The following PDE10A variants were observed in gnomAD, a reference collection of about 807,000 sequenced individuals.
PDE10A encodes the protein cAMP and cAMP-inhibited cGMP 3',5'-cyclic phosphodiesterase 10A.
Under a neutral mutation model 97.7 loss-of-function variants are expected in PDE10A, and 39 were observed. The ratio of observed to expected loss-of-function variants is 0.40; its 90% CI spans 0.31 to 0.52. PDE10A has a LOEUF of 0.52. Among genes scored for constraint, PDE10A ranks in the 20% least tolerant of loss-of-function variants. PDE10A has a pLI of 0.56. For synonymous variants in PDE10A, 371 were observed against 376.8 expected, an observed-to-expected ratio of 0.98 and a Z score of 0.18; for missense variants, 731 against 1,047.8, an observed-to-expected ratio of 0.70 and a Z score of 4.17.
intron 18 of PDE10A, among the ~76,000 whole-genome samples, chr6:165,350,815 A>G (rs1782642011): frequency 6.6e-6 from 1 of 152,040 alleles, no homozygotes; most frequent in Admixed American, 6.6e-5. Context: ...TTCGCTGGGC[A>G]CTCATTCATC....
At chr6:165,641,904 T>C (rs1242411611) in intron 1 of PDE10A, among the ~76,000 whole-genome samples, 1 of 152,172 alleles carries the variant, frequency 6.6e-6, no homozygotes, top group Non-Finnish European at 1.5e-5. Context: ...ACCCTGTACC[T>C]CCCACGGCAG....
intron 1 of PDE10A, chr6:165,940,047 G>A (rs1377630441): frequency 6.6e-6 from 1 of 152,188 alleles, no homozygotes; most frequent in Admixed American, 6.5e-5. Context: ...GTGTGATGGG[G>A]GCAATGGGTA....
intron 2 of PDE10A, among the ~76,000 whole-genome samples, chr6:165,530,589 T>C (rs1023045070): frequency 7.3e-6 from 1 of 136,794 alleles, no homozygotes; most frequent in African/African-American, 2.5e-5. Flanking sequence ...AACAGACCCA[T>C]GTAAAACACC....
intron 10 of PDE10A, among the ~76,000 whole-genome samples, chr6:165,425,770 C>CATGTGTGTGTGT (rs112669910): frequency 2.4e-4 from 34 of 144,134 alleles, no homozygotes; most frequent in African/African-American, 8.6e-4. Flanking sequence ...AAGGCATGAT[C>CATGTGTGTGTGT]GTGTGTGTGT....
intron 1 of PDE10A, among the ~76,000 whole-genome samples, chr6:165,575,225 G>A (rs1184550764): frequency 6.6e-6 from 1 of 152,062 alleles, no homozygotes. Context: ...TTCGAGTTTT[G>A]TGACCTGCAT....
chr6:165,915,488 G>A (rs1325787141), intron 1 of PDE10A, among the ~76,000 whole-genome samples: 2 of 152,198 alleles, frequency 1.3e-5, no homozygotes, highest in African/African-American at 4.8e-5. Context: ...CCACAGTGCA[G>A]CCCACGGTCT....
At chr6:165,743,713 A>G (rs527937704) in intron 1 of PDE10A, among the ~76,000 whole-genome samples, 1 of 152,362 alleles carries the variant, frequency 6.6e-6, no homozygotes, top group South Asian at 2.1e-4. Flanking sequence ...ACATAGATTC[A>G]TGTACTGCAT....
chr6:165,413,370 G>A (rs1453415728), intron 13 of PDE10A, 131 bp downstream of exon 13: 11 of 593,140 alleles, frequency 1.9e-5, no homozygotes, highest in Non-Finnish European at 2.9e-5. Flanking sequence ...TGTACAATCA[G>A]GAATCACTTA....
intron 18 of PDE10A, among the ~76,000 whole-genome samples, chr6:165,354,494 T>G (rs1455217991): frequency 6.6e-6 from 1 of 152,200 alleles, no homozygotes. Flanking sequence ...GGAGATGGTA[T>G]CTTCACATCG....
intron 1 of PDE10A, among the ~76,000 whole-genome samples, chr6:165,813,800 AAAT>A (rs1779340815): frequency 6.6e-6 from 1 of 151,696 alleles, no homozygotes; most frequent in Non-Finnish European, 1.5e-5. Flanking sequence ...ACAAAAAAAA[AAAT>A]AGTCTGACCG....
intron 2 of PDE10A, among the ~76,000 whole-genome samples, chr6:165,533,000 G>C (rs549177385): frequency 6.6e-6 from 1 of 152,284 alleles, no homozygotes; most frequent in African/African-American, 2.4e-5. Context: ...AGCAGACAGA[G>C]AGCATGGACT....
chr6:165,635,597 G>C (rs1170617611), intron 1 of PDE10A, among the ~76,000 whole-genome samples: 2 of 152,180 alleles, frequency 1.3e-5, no homozygotes, highest in East Asian at 3.9e-4. Context: ...TTATTCCAAA[G>C]AGATTTGTGG....
intron 1 of PDE10A, among the ~76,000 whole-genome samples, chr6:165,816,528 C>G (rs1354411873): frequency 3.9e-5 from 6 of 152,182 alleles, no homozygotes; most frequent in African/African-American, 7.2e-5. Context: ...CCTCCCCTTA[C>G]AGCCAATAAG....
At chr6:165,684,494 G>A (rs1160917699) in intron 1 of PDE10A, among the ~76,000 whole-genome samples, 1 of 152,208 alleles carries the variant, frequency 6.6e-6, no homozygotes, top group African/African-American at 2.4e-5. Context: ...GGCAAGCTAT[G>A]GTCGCGGCTG....
intron 13 of PDE10A, among the ~76,000 whole-genome samples, chr6:165,408,712 C>T (rs220766): frequency 0.69 from 104,721 of 151,918 alleles, 36,745 homozygotes; most frequent in Middle Eastern, 0.83. Context: ...TTGAAATAAA[C>T]CCAGCCACCA....
intron 1 of PDE10A, among the ~76,000 whole-genome samples, chr6:165,596,445 T>C (rs1786600231): frequency 6.6e-6 from 1 of 152,190 alleles, no homozygotes; most frequent in Admixed American, 6.5e-5. Flanking sequence ...AACTCTTCAA[T>C]GAACCAGGTG....
intron 18 of PDE10A, among the ~76,000 whole-genome samples, chr6:165,369,455 G>A (rs1399498148): frequency 2.0e-5 from 3 of 150,514 alleles, no homozygotes; most frequent in Non-Finnish European, 4.4e-5. Flanking sequence ...GAGCTGATGC[G>A]ATCAACTGGA....
At chr6:165,460,664 AGC>A (rs1778269303) in intron 3 of PDE10A, among the ~76,000 whole-genome samples, 1 of 152,182 alleles carries the variant, frequency 6.6e-6, no homozygotes, top group Non-Finnish European at 1.5e-5. Context: ...ATATAAAAGT[AGC>A]TATATTTTGC....
intron 18 of PDE10A, among the ~76,000 whole-genome samples, chr6:165,352,231 C>T (rs1385593579): frequency 6.6e-6 from 1 of 152,168 alleles, no homozygotes; most frequent in Non-Finnish European, 1.5e-5. Flanking sequence ...ATAAGTTGCA[C>T]CTTTCTATCT....
Sources: gnomAD v4.1 joint callset for allele counts (sites outside exome capture counted in the v4.1 genomes callset) on GRCh38, gnomAD v4.1.1 for gene constraint, MANE v1.5 for transcripts, NCBI Gene and HGNC (gene_info 2026-07-23, HGNC 2026-07-21) for gene names.